Variants in MB21D2 observed in about 807,000 individuals in gnomAD.
MB21D2 encodes the protein nucleotidyltransferase MB21D2.
Under a neutral mutation model 33.3 loss-of-function variants are expected in MB21D2, and 9 were observed. That is an observed-to-expected ratio of 0.27 (90% CI 0.16 to 0.47). The LOEUF is 0.47. MB21D2 is among the 20% of genes least tolerant of loss of function. The pLI, the probability that MB21D2 is intolerant of heterozygous loss-of-function variation, is 0.99. For synonymous variants in MB21D2, 241 were observed against 236.3 expected (o/e 1.02, Z -0.18); for missense variants, 540 against 624.6 (o/e 0.86, Z 1.44).
At chr3:192,887,145 C>CTT (rs1713749842) in intron 1 of MB21D2, among the ~76,000 whole-genome samples, 1 of 152,062 alleles carries the variant, frequency 6.6e-6, no homozygotes, top group Admixed American at 6.6e-5. Flanking sequence ...TTGACGATAT[C>CTT]AATGAACTTT....
chr3:192,900,242 G>C (rs1415625273), intron 1 of MB21D2, among the ~76,000 whole-genome samples: 1 of 140,788 alleles, frequency 7.1e-6, no homozygotes, highest in Non-Finnish European at 1.5e-5. Flanking sequence ...CAAGATCACT[G>C]TCACTGCACT....
chr3:192,895,006 A>G (rs1159769714), intron 1 of MB21D2, among the ~76,000 whole-genome samples: 3 of 149,834 alleles, frequency 2.0e-5, no homozygotes, highest in Non-Finnish European at 3.0e-5. Flanking sequence ...CTCATCACCA[A>G]CTCTTTTTTC....
intron 1 of MB21D2, among the ~76,000 whole-genome samples, chr3:192,878,553 CAAGT>C (rs1350553109): frequency 6.6e-6 from 1 of 152,146 alleles, no homozygotes; most frequent in African/African-American, 2.4e-5. Flanking sequence ...ATCCATTAAG[CAAGT>C]GAGGACTTTG....
At chr3:192,890,643 C>T (rs1354374710) in intron 1 of MB21D2, among the ~76,000 whole-genome samples, 1 of 151,740 alleles carries the variant, frequency 6.6e-6, no homozygotes, top group South Asian at 2.1e-4. Context: ...CTGCCATTCC[C>T]GACTGTGCAG....
intron 1 of MB21D2, among the ~76,000 whole-genome samples, chr3:192,822,367 C>T (rs1025520015): frequency 6.6e-6 from 1 of 152,172 alleles, no homozygotes; most frequent in Non-Finnish European, 1.5e-5. Flanking sequence ...CAGGAGTTCA[C>T]CTCAGATACC....
At chr3:192,881,266 TGGAG>T (rs1445105359) in intron 1 of MB21D2, among the ~76,000 whole-genome samples, 1 of 152,086 alleles carries the variant, frequency 6.6e-6, no homozygotes, top group Non-Finnish European at 1.5e-5. Flanking sequence ...ACCACCATTA[TGGAG>T]GAAGGACCCC....
At chr3:192,841,267 T>C (rs944826703) in intron 1 of MB21D2, among the ~76,000 whole-genome samples, 9 of 152,226 alleles carry the variant, frequency 5.9e-5, no homozygotes, top group African/African-American at 2.2e-4. Context: ...AAGGCAGGTG[T>C]AGCAGCCAGC....
At chr3:192,811,703 G>A (rs1223316859) in intron 1 of MB21D2, among the ~76,000 whole-genome samples, 2 of 152,082 alleles carry the variant, frequency 1.3e-5, no homozygotes, top group African/African-American at 4.8e-5. Flanking sequence ...GGAAAGCTTT[G>A]GAGAGGTGAA....
chr3:192,897,844 T>C (rs1387130122), intron 1 of MB21D2, among the ~76,000 whole-genome samples: 1 of 151,790 alleles, frequency 6.6e-6, no homozygotes, highest in African/African-American at 2.4e-5. Context: ...ATACAAAAAT[T>C]AGCTGAGAGG....
chr3:192,799,332 T>C lies in MB21D2; in HGVS notation c.530A>G (p.Tyr177Cys). The part of the protein sequence containing the change: ...IVDHINGATN[Y>C]FFSPTKVADW... ...AGCCACTTTGGTAGGTGAGAAGAAG[T>C]AGTTGGTGGCACCATTGATGTGATC... Residue 177 changes from tyrosine (Y) to cysteine (C), a missense_variant, in exon 2 of 2, where the codon TAC becomes TGC. Physicochemically the swap from Tyr to Cys is radical, Grantham distance 194. Coordinates refer to ENST00000392452, the MANE Select transcript of MB21D2 (RefSeq NM_178496.4). This position sits in a 1 kb window ranked among gnomAD's most constrained non-coding sequence, Gnocchi z 4.1. 1.9e-6 allele frequency: 3 copies of C among 1,614,148 alleles called. No individual in the cohort carries two copies. Among genetic ancestry groups the C allele is most frequent in the South Asian group, 2.2e-5 (2 of 91,086 alleles).
At chr3:192,854,483 A>T (rs1255465688) in intron 1 of MB21D2, among the ~76,000 whole-genome samples, 3 of 152,230 alleles carry the variant, frequency 2.0e-5, no homozygotes, top group Non-Finnish European at 2.9e-5. Flanking sequence ...TCTATAACAT[A>T]GAAGTGCAAA....
rs1274395610 is a variant in MB21D2 at position 192,884,111 on chromosome 3, C to A, written c.211+33519G>T. 2.0e-5 allele frequency among the ~76,000 whole-genome samples: 3 copies of A among 152,062 alleles called. No individual in the cohort carries two copies. In the East Asian group the frequency reaches 5.8e-4, roughly 29 times the overall value. On this transcript the variant is annotated intron_variant, in intron 1 of 1. Transcript: ENST00000392452. ...CGAAGCCCTTGGCATGGGCGTATAT[C>A]AGATGGGACATTCCCCTACCTTTCA...
intron 1 of MB21D2, among the ~76,000 whole-genome samples, chr3:192,912,462 A>T (rs1714377332): frequency 6.6e-6 from 1 of 152,132 alleles, no homozygotes. Flanking sequence ...TGAGGTCAGG[A>T]GTTCTAGACC....
intron 1 of MB21D2, among the ~76,000 whole-genome samples, chr3:192,855,155 A>G (rs554589967): frequency 1.3e-5 from 2 of 152,160 alleles, no homozygotes; most frequent in East Asian, 3.9e-4. Flanking sequence ...CTGGAGTGCA[A>G]TGGTGCAGTC....
intron 1 of MB21D2, among the ~76,000 whole-genome samples, chr3:192,909,900 G>GCTCTC (rs1714302722): frequency 8.2e-6 from 1 of 122,182 alleles, no homozygotes; most frequent in Non-Finnish European, 1.6e-5. Context: ...ATCGGCCACT[G>GCTCTC]CTCTCCAGCC....
chr3:192,863,215 T>A (rs1713087989), intron 1 of MB21D2, among the ~76,000 whole-genome samples: 1 of 152,032 alleles, frequency 6.6e-6, no homozygotes, highest in Non-Finnish European at 1.5e-5. Flanking sequence ...CAAGGAAAAA[T>A]TCTCCCCTAA....
rs541850812 is a variant in MB21D2, at chr3:192,879,914, A to G, written c.211+37716T>C. Among the ~76,000 whole-genome samples, 6 of 152,224 alleles carry G rather than the reference A, an allele frequency of 3.9e-5. No individual in the cohort carries two copies. The South Asian group carries it at 1.0e-3, about 26-fold the overall frequency. On this transcript the variant is annotated intron_variant, in intron 1 of 1. Coordinates refer to ENST00000392452, the MANE Select transcript of MB21D2 (RefSeq NM_178496.4). ...CCTCTGACAAGGAGTAGACAAGGAG[A>G]GGATGAGCTCACTCTGAGAAGAGGA...
At chr3:192,887,637 T>A (rs1713761821) in intron 1 of MB21D2, among the ~76,000 whole-genome samples, 1 of 152,142 alleles carries the variant, frequency 6.6e-6, no homozygotes, top group Non-Finnish European at 1.5e-5. Flanking sequence ...CCAGTCTCTA[T>A]TTTTATATGT....
rs538293570 is a variant in MB21D2 at position 192,813,495 on chromosome 3, A to C, written c.212-13845T>G. 8.5e-4 allele frequency among the ~76,000 whole-genome samples: 129 copies of C among 152,232 alleles called. 1 individual carries two copies. Among genetic ancestry groups the C allele is most frequent in the Non-Finnish European group, 1.7e-3 (113 of 68,002 alleles). On this transcript the variant is annotated intron_variant, in intron 1 of 1. Coordinates refer to ENST00000392452, the MANE Select transcript of MB21D2 (RefSeq NM_178496.4). ...AAGATTAATAAAAAGAAAATGTTTT[A>C]ACCTATCTTCCATCAAGTCTAAATA...
Sources: allele counts gnomAD v4.1 joint callset (sites outside exome capture counted in the v4.1 genomes callset), GRCh38; gene constraint gnomAD v4.1.1; non-coding constraint Gnocchi (gnomAD v3.1); transcripts MANE v1.5; gene names NCBI Gene and HGNC (gene_info 2026-07-23, HGNC 2026-07-21).